LRRC72: variants seen among roughly 807,000 people sequenced by gnomAD.
The protein encoded by LRRC72 is leucine rich repeat containing 72, also known as leucine-rich repeat-containing protein 72.
In LRRC72, 41 loss-of-function variants were observed where a neutral mutation model predicts 35.8. The observed-to-expected ratio is 1.15, with a 90% CI of 0.89 to 1.49. LRRC72 has a LOEUF of 1.49. LRRC72 is among the 40% of genes most tolerant of loss of function. The pLI, the probability that LRRC72 is intolerant of heterozygous loss-of-function variation, is 0.00. For synonymous variants in LRRC72, 118 were observed against 119.2 expected, an observed-to-expected ratio of 0.99 and a Z score of 0.07; for missense variants, 389 against 330.7, an observed-to-expected ratio of 1.18 and a Z score of -1.37.
intron 7 of LRRC72, among the ~76,000 whole-genome samples, chr7:16,578,601 A>G (rs1783086751): frequency 6.6e-6 from 1 of 152,258 alleles, no homozygotes; most frequent in African/African-American, 2.4e-5. Context: ...CTATGTATAT[A>G]TACATGTATG....
chr7:16,537,624 C>A lies in LRRC72; in HGVS notation c.165-3C>A. 1 of 1,511,682 alleles carries A rather than the reference C, an allele frequency of 6.6e-7. No individual in the cohort carries two copies. The allele number at this position is 1,511,682 out of a possible 1,614,324, so 93.6% of individuals were successfully genotyped here. A position where few individuals can be genotyped will look rare whatever the true frequency, so the allele number is the denominator to read the frequency against. On this transcript the variant is annotated splice_region_variant and splice_polypyrimidine_tract_variant and intron_variant, in intron 2 of 8. Transcript: ENST00000401542. ...AATGTTCACATTTTTTTTTTCTTTC[C>A]AGGGAACTGACAGAGGTCATTGATC...
intron 7 of LRRC72, among the ~76,000 whole-genome samples, chr7:16,567,800 C>T (rs762131511): frequency 3.3e-5 from 5 of 152,006 alleles, no homozygotes; most frequent in African/African-American, 9.7e-5. Flanking sequence ...ACATTGAAGC[C>T]TCTATCCCAG....
At chr7:16,542,227 G>A (rs1782369748) in intron 3 of LRRC72, among the ~76,000 whole-genome samples, 3 of 152,106 alleles carry the variant, frequency 2.0e-5, no homozygotes, top group African/African-American at 7.2e-5. Flanking sequence ...AAATGGACTT[G>A]CAGATGCACC....
chr7:16,540,522 G>A (rs1167804930), intron 3 of LRRC72, among the ~76,000 whole-genome samples: 4 of 152,148 alleles, frequency 2.6e-5, no homozygotes, highest in Admixed American at 2.0e-4. Flanking sequence ...ACTATGTTTT[G>A]AAATGTGAGA....
chr7:16,566,640 C>A (rs377671728), intron 6 of LRRC72, among the ~76,000 whole-genome samples: 13 of 152,240 alleles, frequency 8.5e-5, no homozygotes, highest in African/African-American at 2.6e-4. Context: ...TCTAACTGAG[C>A]TGAGGAAAGT....
chr7:16,564,227 A>G (rs948522534), intron 5 of LRRC72, among the ~76,000 whole-genome samples: 4 of 152,228 alleles, frequency 2.6e-5, no homozygotes, highest in African/African-American at 9.6e-5. Flanking sequence ...TCCCCAAGAC[A>G]GTAACCACAA....
intron 5 of LRRC72, among the ~76,000 whole-genome samples, chr7:16,560,948 C>A (rs1481080098): frequency 6.6e-6 from 1 of 152,054 alleles, no homozygotes; most frequent in Non-Finnish European, 1.5e-5. Context: ...TTTACAGCAT[C>A]CTATGATGTG....
intron 7 of LRRC72, among the ~76,000 whole-genome samples, chr7:16,578,860 A>G (rs982606696): frequency 1.3e-5 from 2 of 152,192 alleles, no homozygotes; most frequent in African/African-American, 4.8e-5. Flanking sequence ...AATAAGACAG[A>G]CACAGAAGAA....
chr7:16,554,156 C>T (rs1244189623), intron 3 of LRRC72, among the ~76,000 whole-genome samples: 1 of 152,056 alleles, frequency 6.6e-6, no homozygotes, highest in African/African-American at 2.4e-5. Flanking sequence ...TGGGGAAACC[C>T]CCATCTCTAC....
chr7:16,567,687 C>T (rs1015831053), intron 7 of LRRC72, 144 bp downstream of exon 7: 3 of 796,654 alleles, frequency 3.8e-6, no homozygotes, highest in Admixed American at 7.1e-5. Context: ...AATATATTTG[C>T]TAACCTTATA....
At chr7:16,544,409 T>C (rs909080704) in intron 3 of LRRC72, among the ~76,000 whole-genome samples, 6 of 152,192 alleles carry the variant, frequency 3.9e-5, no homozygotes, top group Admixed American at 3.3e-4. Flanking sequence ...TAGATATTCA[T>C]TAGTGCTGCA....
In LRRC72 at chr7:16,571,982, C is replaced by T. The variant is rs570829031; in HGVS notation, c.670+4439C>T. 1.3e-3 allele frequency among the ~76,000 whole-genome samples: 204 copies of T among 152,292 alleles called. 1 individual carries two copies. Among genetic ancestry groups the T allele is most frequent in the Non-Finnish European group, 2.6e-3 (177 of 68,026 alleles). ...CCTTGCCAGCACAACAGTCTGAAGT[C>T]GACCTGGGTCGCCCGAGCTTGGTGG... is the stretch of plus-strand genomic sequence containing the variant. On this transcript the variant is annotated intron_variant, in intron 7 of 8. Transcript: ENST00000401542.
At chr7:16,575,628 C>T (rs1239756119) in intron 7 of LRRC72, among the ~76,000 whole-genome samples, 2 of 152,182 alleles carry the variant, frequency 1.3e-5, no homozygotes, top group Non-Finnish European at 2.9e-5. Context: ...CATTGAGATA[C>T]TTGATCTGAC....
chr7:16,555,353 A>G (rs1782632728), intron 3 of LRRC72, among the ~76,000 whole-genome samples: 1 of 152,250 alleles, frequency 6.6e-6, no homozygotes, highest in African/African-American at 2.4e-5. Context: ...AAATCTAAAA[A>G]GGCTTTTCTG....
In LRRC72 at chr7:16,558,940, T is replaced by C; in HGVS notation, c.368T>C (p.Leu123Pro). 6.5e-7 allele frequency: 1 copy of C among 1,538,150 alleles called. No individual in the cohort carries two copies. The highest frequency in any genetic ancestry group is 8.8e-7 in the Non-Finnish European group (1 of 1,139,210). ...LHILLLHHNE[L>P]TNIDATVKEL... ...ATACTCCTGCTACACCACAATGAGC[T>C]AACCAACATTGATGCAACAGTGAAG... Residue 123 changes from leucine (L) to proline (P), a missense_variant, in exon 5 of 9, where the codon CTA becomes CCA. Physicochemically the swap from Leu to Pro is moderately conservative, Grantham distance 98 (BLOSUM62 -3). Coordinates refer to ENST00000401542, the MANE Select transcript of LRRC72 (RefSeq NM_001195280.2).
intron 3 of LRRC72, among the ~76,000 whole-genome samples, chr7:16,548,526 C>T (rs1782490870): frequency 6.6e-6 from 1 of 152,244 alleles, no homozygotes; most frequent in Non-Finnish European, 1.5e-5. Context: ...CTGCATTCCC[C>T]AGTGTCAGTC....
intron 5 of LRRC72, among the ~76,000 whole-genome samples, chr7:16,565,224 G>C (rs1391616800): frequency 6.6e-6 from 1 of 152,218 alleles, no homozygotes; most frequent in African/African-American, 2.4e-5. Flanking sequence ...CACGAGGTCA[G>C]CAGTTCGAGA....
chr7:16,580,516 C>T (rs569829983), intron 8 of LRRC72, among the ~76,000 whole-genome samples: 11 of 152,058 alleles, frequency 7.2e-5, no homozygotes, highest in South Asian at 2.1e-4. Flanking sequence ...TGGTGGCAGG[C>T]GCCTATAATC....
intron 3 of LRRC72, among the ~76,000 whole-genome samples, chr7:16,539,224 A>T (rs1019513754): frequency 6.6e-6 from 1 of 152,208 alleles, no homozygotes; most frequent in East Asian, 1.9e-4. Flanking sequence ...GAGATGAGGA[A>T]CTTATTGGAA....
Sources: gnomAD v4.1 joint callset for allele counts (sites outside exome capture counted in the v4.1 genomes callset) on GRCh38, gnomAD v4.1.1 for gene constraint, MANE v1.5 for transcripts, NCBI Gene and HGNC (gene_info 2026-07-23, HGNC 2026-07-21) for gene names.